The following OR2L13 variants were observed in gnomAD, a reference collection of about 807,000 sequenced individuals.
OR2L13 encodes olfactory receptor family 2 subfamily L member 13, also known as olfactory receptor 2L13.
Under a neutral mutation model 15.3 loss-of-function variants are expected in OR2L13, and 14 were observed. The observed-to-expected ratio is 0.91, with a 90% CI of 0.60 to 1.43. The LOEUF (loss-of-function observed/expected upper bound fraction) is 1.43. OR2L13 is among the 40% of genes most tolerant of loss of function. OR2L13 has a pLI of 0.00. For synonymous variants in OR2L13, 152 were observed against 142.9 expected (o/e 1.06, Z -0.45); for missense variants, 367 against 387.9 (o/e 0.95, Z 0.45).
At chr1:248,058,983 AC>A in the OR2L13 span, among the ~76,000 whole-genome samples, 1 of 152,052 alleles carries the variant, frequency 6.6e-6, no homozygotes, top group African/African-American at 2.4e-5. Context: ...CCTTTATGTT[AC>A]CTGTTGCATC....
chr1:248,000,543 A>T, the OR2L13 span, among the ~76,000 whole-genome samples: 1 of 152,202 alleles, frequency 6.6e-6, no homozygotes, highest in Non-Finnish European at 1.5e-5. Flanking sequence ...TTGACTTCAA[A>T]AGTTAGTAAT....
chr1:247,986,985 T>C, the OR2L13 span, among the ~76,000 whole-genome samples: 1 of 152,228 alleles, frequency 6.6e-6, no homozygotes. Flanking sequence ...TAATCAACAT[T>C]TTGTCATTTT....
the OR2L13 span, among the ~76,000 whole-genome samples, chr1:248,066,762 T>C: frequency 1.3e-5 from 2 of 152,234 alleles, no homozygotes; most frequent in Admixed American, 6.5e-5. Flanking sequence ...AGAAATTTTG[T>C]CTTTACCACA....
the OR2L13 span, among the ~76,000 whole-genome samples, chr1:247,991,424 T>C: frequency 1.1e-4 from 16 of 149,510 alleles, 1 homozygote; most frequent in South Asian, 1.9e-3. Context: ...CGTATATTCA[T>C]TTTTTTCCTA....
At chr1:248,095,708 G>A (rs956851072), upstream of OR2L13, among the ~76,000 whole-genome samples, 11 of 143,492 alleles carry the variant, frequency 7.7e-5, no homozygotes, top group African/African-American at 2.6e-4. Context: ...CCAGGTTCAA[G>A]TGATTCTTCT....
At chr1:247,978,802 G>C in the OR2L13 span, among the ~76,000 whole-genome samples, 1 of 151,838 alleles carries the variant, frequency 6.6e-6, no homozygotes, top group Admixed American at 6.6e-5. Context: ...AGCTCTAAGG[G>C]ACTGCCACAG....
chr1:248,093,866 A>T (rs1664656664), upstream of OR2L13, among the ~76,000 whole-genome samples: 1 of 152,196 alleles, frequency 6.6e-6, no homozygotes. Context: ...TGTGGGAGCT[A>T]AAATTAAAAA....
At chr1:247,956,460 GT>G in the OR2L13 span, among the ~76,000 whole-genome samples, 206 of 150,466 alleles carry the variant, frequency 1.4e-3, 1 homozygote, top group Middle Eastern at 0.014. Context: ...CTTTAAAGTA[GT>G]TTTTTCCAAT....
intron 2 of OR2L13, 55 bp from the exon 3 acceptor site, chr1:248,099,303 T>C (rs1664796277): frequency 3.0e-6 from 3 of 1,011,692 alleles, no homozygotes; most frequent in Non-Finnish European, 4.5e-6. Flanking sequence ...GTTTTTCTAT[T>C]GTGTTTTATT....
the OR2L13 span, among the ~76,000 whole-genome samples, chr1:248,020,682 T>C: frequency 2.0e-5 from 3 of 152,154 alleles, no homozygotes; most frequent in Non-Finnish European, 4.4e-5. Context: ...ATACTTAAAA[T>C]AATAATTCAT....
chr1:248,027,897 T>C, the OR2L13 span, among the ~76,000 whole-genome samples: 1 of 151,758 alleles, frequency 6.6e-6, no homozygotes, highest in Non-Finnish European at 1.5e-5. Context: ...TCCCAGCACT[T>C]TGGGAGGCTG....
chr1:247,972,632 AAAAAC>A, the OR2L13 span, among the ~76,000 whole-genome samples: 2,775 of 10,804 alleles, frequency 0.26, 85 homozygotes, highest in African/African-American at 0.27. Context: ...AATAGCCTAC[AAAAAC>A]AAAACAAAAC....
chr1:248,084,394 C>T, the OR2L13 span: 1 of 1,613,212 alleles, frequency 6.2e-7, no homozygotes, highest in Non-Finnish European at 8.5e-7. Context: ...AGCATCACGT[C>T]CATGAGGGAG....
the OR2L13 span, among the ~76,000 whole-genome samples, chr1:248,047,993 T>C: frequency 1.3e-5 from 2 of 152,200 alleles, no homozygotes; most frequent in Non-Finnish European, 2.9e-5. Context: ...TTAGTAATTG[T>C]AAGAGGTAGA....
chr1:247,947,258 T>C, the OR2L13 span, among the ~76,000 whole-genome samples: 11 of 152,232 alleles, frequency 7.2e-5, no homozygotes, highest in Non-Finnish European at 1.5e-4. Flanking sequence ...AAAAAACTAT[T>C]CTTTCTGCAT....
At chr1:248,016,703 T>C in the OR2L13 span, among the ~76,000 whole-genome samples, 1 of 151,962 alleles carries the variant, frequency 6.6e-6, no homozygotes, top group Non-Finnish European at 1.5e-5. Flanking sequence ...TTTAAACGTG[T>C]ATATAAATGT....
chr1:247,956,618 A>C, the OR2L13 span, among the ~76,000 whole-genome samples: 21 of 151,570 alleles, frequency 1.4e-4, no homozygotes, highest in Admixed American at 2.0e-4. Context: ...CTTTCATTTC[A>C]TTGAGCAGTG....
chr1:248,038,317 T>A, the OR2L13 span: 1 of 1,613,550 alleles, frequency 6.2e-7, no homozygotes. Context: ...TTGGGGCTGT[T>A]CCCACAATCA....
chr1:248,068,102 G>C, the OR2L13 span, among the ~76,000 whole-genome samples: 5 of 152,194 alleles, frequency 3.3e-5, no homozygotes, highest in Non-Finnish European at 5.9e-5. Context: ...AGTAACCTCT[G>C]AAGACTTAAA....
Sources: gnomAD v4.1 joint callset for allele counts (sites outside exome capture counted in the v4.1 genomes callset) on GRCh38, gnomAD v4.1.1 for gene constraint, MANE v1.5 for transcripts, NCBI Gene and HGNC (gene_info 2026-07-23, HGNC 2026-07-21) for gene names.